The following CHST11 variants were observed in gnomAD, a reference collection of about 807,000 sequenced individuals.
CHST11 encodes the protein C4S-1.
A neutral mutation model predicts 30.4 loss-of-function variants in CHST11; 9 were observed. The ratio of observed to expected loss-of-function variants is 0.30; its 90% CI spans 0.18 to 0.52. CHST11 has a LOEUF of 0.52. Ranked by LOEUF, CHST11 falls within the 20% of genes least tolerant of loss-of-function variation. The pLI is 0.97. For missense variants in CHST11, 348 were observed against 460.6 expected (o/e 0.76, Z 2.24); for synonymous variants, 152 against 187.8 (o/e 0.81, Z 1.56).
At chr12:104,689,695 T>C (rs939454009) in intron 2 of CHST11, among the ~76,000 whole-genome samples, 1 of 152,136 alleles carries the variant, frequency 6.6e-6, no homozygotes, top group Admixed American at 6.5e-5. Context: ...ATGGAGAGAT[T>C]TGGACTGTCC....
chr12:104,628,512 A>G (rs1051550331), intron 2 of CHST11, among the ~76,000 whole-genome samples: 2 of 152,236 alleles, frequency 1.3e-5, no homozygotes, highest in African/African-American at 2.4e-5. Flanking sequence ...ACTGATGCTC[A>G]GTGAAATGTG....
intron 1 of CHST11, among the ~76,000 whole-genome samples, chr12:104,566,990 CAT>C (rs1163729293): frequency 2.6e-5 from 4 of 152,004 alleles, no homozygotes; most frequent in South Asian, 2.1e-4. Flanking sequence ...TATACACACA[CAT>C]GTATATGTAA....
intron 2 of CHST11, among the ~76,000 whole-genome samples, chr12:104,736,825 C>G (rs986063817): frequency 6.6e-6 from 1 of 152,160 alleles, no homozygotes; most frequent in Non-Finnish European, 1.5e-5. Context: ...TGTAGGTGTA[C>G]TAGAAGTCAT....
intron 1 of CHST11, among the ~76,000 whole-genome samples, chr12:104,533,160 C>T (rs2038202947): frequency 6.6e-6 from 1 of 152,174 alleles, no homozygotes; most frequent in African/African-American, 2.4e-5. Flanking sequence ...TATAAATTTC[C>T]ATGGTATTTT....
intron 1 of CHST11, among the ~76,000 whole-genome samples, chr12:104,461,523 G>A (rs1182048736): frequency 2.0e-5 from 3 of 152,226 alleles, no homozygotes; most frequent in East Asian, 3.9e-4. Flanking sequence ...AGGCTGCATT[G>A]GCACAGAGTG....
At chr12:104,649,285 A>G (rs2039468705) in intron 2 of CHST11, among the ~76,000 whole-genome samples, 1 of 152,078 alleles carries the variant, frequency 6.6e-6, no homozygotes, top group Non-Finnish European at 1.5e-5. Flanking sequence ...GGGTAATTTT[A>G]TTATTAATAA....
chr12:104,524,749 T>G (rs1474763841), intron 1 of CHST11, among the ~76,000 whole-genome samples: 1 of 152,196 alleles, frequency 6.6e-6, no homozygotes, highest in Non-Finnish European at 1.5e-5. Flanking sequence ...TCCTGGGTTT[T>G]GGGGATGAAA....
At chr12:104,648,438 G>T (rs1023118830) in intron 2 of CHST11, among the ~76,000 whole-genome samples, 1 of 152,148 alleles carries the variant, frequency 6.6e-6, no homozygotes, top group Admixed American at 6.5e-5. Context: ...GATGGTCATC[G>T]TGGTTCGGTA....
intron 2 of CHST11, among the ~76,000 whole-genome samples, chr12:104,694,252 T>C (rs1432338383): frequency 6.6e-6 from 1 of 152,026 alleles, no homozygotes; most frequent in Non-Finnish European, 1.5e-5. Context: ...CTACCTCCAC[T>C]CTCCAGCCGC....
intron 2 of CHST11, among the ~76,000 whole-genome samples, chr12:104,750,428 CTTTTTTTTTTTTTTTTTTTTTT>C (rs10659007): frequency 4.1e-5 from 2 of 48,836 alleles, no homozygotes; most frequent in Non-Finnish European, 7.4e-5. Flanking sequence ...TATTTCTGCA[CTTTTTTTTTTTTTTTTTTTTTT>C]TTTTTTGTTG....
intron 2 of CHST11, among the ~76,000 whole-genome samples, chr12:104,650,369 C>T (rs1003795736): frequency 1.3e-5 from 2 of 152,008 alleles, no homozygotes; most frequent in Admixed American, 6.5e-5. Flanking sequence ...ATGGGTTTGG[C>T]GGATTTGTTT....
intron 2 of CHST11, among the ~76,000 whole-genome samples, chr12:104,621,021 A>G (rs538369970): frequency 1.3e-5 from 2 of 152,374 alleles, no homozygotes; most frequent in African/African-American, 4.8e-5. Context: ...CGCAGAGTGT[A>G]GTCTTTCTTG....
intron 1 of CHST11, among the ~76,000 whole-genome samples, chr12:104,491,404 G>A (rs1430645969): frequency 6.6e-6 from 1 of 152,064 alleles, no homozygotes; most frequent in Non-Finnish European, 1.5e-5. Flanking sequence ...GTAGCAGTCT[G>A]AATGAGATTT....
chr12:104,639,679 T>C (rs2039357107), intron 2 of CHST11, among the ~76,000 whole-genome samples: 1 of 152,134 alleles, frequency 6.6e-6, no homozygotes, highest in East Asian at 1.9e-4. Flanking sequence ...TCATTGCCCT[T>C]CACGGAATAA....
chr12:104,751,293 A>G (rs2040429740), intron 2 of CHST11, among the ~76,000 whole-genome samples: 1 of 152,198 alleles, frequency 6.6e-6, no homozygotes, highest in Non-Finnish European at 1.5e-5. Flanking sequence ...TGCTCATCTT[A>G]GTAACTTATT....
chr12:104,651,623 C>A (rs2039490424), intron 2 of CHST11, among the ~76,000 whole-genome samples: 1 of 152,204 alleles, frequency 6.6e-6, no homozygotes, highest in South Asian at 2.1e-4. Flanking sequence ...TCCTTTGTGC[C>A]TTGAGAAGAA....
chr12:104,620,733 TTTG>T, intron 2 of CHST11, among the ~76,000 whole-genome samples: 1 of 152,348 alleles, frequency 6.6e-6, no homozygotes, highest in South Asian at 2.1e-4. Flanking sequence ...TTGTTCATTG[TTTG>T]TTGTGTCAGA....
At chr12:104,715,468 TG>T (rs2040123412) in intron 2 of CHST11, among the ~76,000 whole-genome samples, 1 of 152,144 alleles carries the variant, frequency 6.6e-6, no homozygotes, top group African/African-American at 2.4e-5. Context: ...GACATAATCA[TG>T]TGATTATTAA....
chr12:104,702,600 G>T (rs970391454), intron 2 of CHST11, among the ~76,000 whole-genome samples: 1 of 152,158 alleles, frequency 6.6e-6, no homozygotes, highest in Non-Finnish European at 1.5e-5. Flanking sequence ...TCAGGAAGCT[G>T]CAGGGAGAGG....
Sources: allele counts gnomAD v4.1 joint callset (sites outside exome capture counted in the v4.1 genomes callset), GRCh38; gene constraint gnomAD v4.1.1; transcripts MANE v1.5; gene names NCBI Gene and HGNC (gene_info 2026-07-23, HGNC 2026-07-21).